The following MYOM2 variants were observed in gnomAD, a reference collection of about 807,000 sequenced individuals.
MYOM2 encodes myomesin 2.
MYOM2 carries 254 observed loss-of-function variants against 187.6 expected under a neutral mutation model. The ratio of observed to expected loss-of-function variants is 1.35; its 90% CI spans 1.22 to 1.50. The LOEUF (loss-of-function observed/expected upper bound fraction) is 1.50. Ranked by LOEUF, MYOM2 falls within the 40% of genes most tolerant of loss-of-function variation. The pLI, the probability that MYOM2 is intolerant of heterozygous loss-of-function variation, is 0.00. For missense variants in MYOM2, 2,796 were observed against 1,924.0 expected (o/e 1.45, Z -8.48); for synonymous variants, 981 against 753.8 (o/e 1.30, Z -4.94).
rs1796017327 is a variant in MYOM2, at chr8:2,086,047, CCCACAGTCGTGATCTCTTTGTGGCCCCCT to C, written c.1644+658_1644+686del. Among the ~76,000 whole-genome samples, 2 of 4,318 alleles carry C rather than the reference CCCACAGTCGTGATCTCTTTGTGGCCCCCT, an allele frequency of 4.6e-4. 1 individual carries two copies. Among genetic ancestry groups the C allele is most frequent in the Admixed American group, 4.0e-3 (2 of 504 alleles). The allele number at this position is 4,318 out of a possible 152,430, so 2.8% of individuals were successfully genotyped here. On this transcript the variant is annotated intron_variant, in intron 14 of 36. Coordinates refer to ENST00000262113, the MANE Select transcript of MYOM2 (RefSeq NM_003970.4). ...CACTGTCGTGATCTCTGCGTGGCCC[CCCACAGTCGTGATCTCTTTGTGGCCCCCT>C]ACTGTCGTGATCTCTGCGTGGCCCC... is the stretch of plus-strand genomic sequence containing the variant.
chr8:2,066,690 C>G (rs1027439262), intron 6 of MYOM2, among the ~76,000 whole-genome samples: 20 of 152,180 alleles, frequency 1.3e-4, no homozygotes, highest in African/African-American at 4.8e-4. Flanking sequence ...ACAATGCGCT[C>G]CCTGTGGGGA....
chr8:2,045,881 A>G (rs933559240), intron 1 of MYOM2, among the ~76,000 whole-genome samples: 2 of 152,208 alleles, frequency 1.3e-5, no homozygotes, highest in African/African-American at 4.8e-5. Flanking sequence ...CCGGAGGCAA[A>G]CGGAAGGAAG....
At chr8:2,142,784 C>G (rs1374842854) in intron 35 of MYOM2, among the ~76,000 whole-genome samples, 10 of 139,378 alleles carry the variant, frequency 7.2e-5, no homozygotes, top group African/African-American at 2.6e-4. Flanking sequence ...TTGACAGAGT[C>G]TTGCTCTGTC....
chr8:2,103,640 G>A (rs112880043), intron 21 of MYOM2, among the ~76,000 whole-genome samples: 133 of 150,672 alleles, frequency 8.8e-4, no homozygotes, highest in African/African-American at 3.0e-3. Context: ...GTGGGAGAGC[G>A]TGCATGTATT....
Position 2,090,169 on chromosome 8 carries a change from C to A in MYOM2, c.1806C>A (p.Pro602=). The change falls in exon 15 of 37, where the codon CCC becomes CCA. Residue 602 remains proline (P), a synonymous_variant. Transcript: ENST00000262113. Reference sequence around the variant, plus strand: ...GCGAACCTTCGGAGATAACGTCCCCCATTCAGGCCCAGGATGTGACCGGTG... The same window carrying A: ...GCGAACCTTCGGAGATAACGTCCCCAATTCAGGCCCAGGATGTGACCGGTG... ...GLSEPSEITS[P]IQAQDVTVVP... 6.2e-7 allele frequency: 1 copy of A among 1,613,880 alleles called. No homozygotes were observed. Among genetic ancestry groups the A allele is most frequent in the Non-Finnish European group, 8.5e-7 (1 of 1,179,866 alleles).
At chr8:2,080,430 G>A (rs1819581494) in intron 13 of MYOM2, among the ~76,000 whole-genome samples, 1 of 151,950 alleles carries the variant, frequency 6.6e-6, no homozygotes. Flanking sequence ...TTTTCTCTAG[G>A]ATCTCAAAAC....
intron 14 of MYOM2, among the ~76,000 whole-genome samples, chr8:2,089,186 G>A (rs954496124): frequency 8.2e-6 from 1 of 121,310 alleles, no homozygotes; most frequent in African/African-American, 2.6e-5. Flanking sequence ...TTCGAAAAAG[G>A]CGTTTTATCT....
intron 16 of MYOM2, 69 bp downstream of exon 16, chr8:2,092,589 C>G (rs1040628012): frequency 2.0e-6 from 3 of 1,511,570 alleles, no homozygotes; most frequent in Non-Finnish European, 2.7e-6. Context: ...GTCCCTGTGG[C>G]CCTGGCACAG....
In MYOM2 at chr8:2,092,471, G is replaced by A. The variant is rs767972373; in HGVS notation, c.1954G>A (p.Gly652Arg). The change falls in exon 16 of 37, where the codon GGA becomes AGA. Residue 652 changes from glycine to arginine, a missense_variant. By Grantham distance (125) the Gly-to-Arg change is moderately radical. Coordinates refer to ENST00000262113, the MANE Select transcript of MYOM2 (RefSeq NM_003970.4). Reference protein sequence around the residue: ...LGYYVDCCVAGTNLWEPCNHK... With the variant: ...LGYYVDCCVARTNLWEPCNHK... ...CTACTACGTGGACTGCTGTGTGGCC[G>A]GAACCAACCTCTGGGAGCCCTGCAA... 2.2e-5 allele frequency: 36 copies of A among 1,613,964 alleles called. 1 individual carries two copies. The highest frequency in any genetic ancestry group is 1.6e-4 in the Middle Eastern group (1 of 6,082).
intron 32 of MYOM2, among the ~76,000 whole-genome samples, chr8:2,132,360 G>A (rs1479195765): frequency 1.3e-5 from 2 of 152,194 alleles, no homozygotes; most frequent in African/African-American, 4.8e-5. Flanking sequence ...AGAGGCTATA[G>A]AACATGTCAC....
chr8:2,066,225 G>A (rs905080278), intron 6 of MYOM2, among the ~76,000 whole-genome samples: 5 of 152,208 alleles, frequency 3.3e-5, no homozygotes, highest in Admixed American at 6.5e-5. Context: ...GGAACTGCCC[G>A]TGCACCTGCT....
chr8:2,076,584 G>T, intron 11 of MYOM2: 1 of 337,858 alleles, frequency 3.0e-6, no homozygotes, highest in Non-Finnish European at 5.4e-6. Context: ...CCCGCGCTGT[G>T]GTTCTGCTGA....
rs1203639214 is a variant in MYOM2, at chr8:2,057,752, C to G, written c.532C>G (p.Gln178Glu). Reference protein sequence around the residue: ...RMSVKLCFTVQGFPTPVVQWY... With the variant: ...RMSVKLCFTVEGFPTPVVQWY... ...GTCTGTGAAACTCTGCTTCACCGTG[C>G]AAGGATTTCCCACGCCCGTGGTGCA... The change falls in exon 5 of 37, where the codon CAA becomes GAA. Residue 178 changes from glutamine (Q) to glutamate (E), a missense_variant. Transcript: ENST00000262113. 2 of 1,613,994 alleles carry G rather than the reference C, an allele frequency of 1.2e-6. No homozygotes were observed. Among genetic ancestry groups the G allele is most frequent in the African/African-American group, 1.3e-5 (1 of 74,904 alleles).
chr8:2,122,493 T>G (rs190919982), intron 28 of MYOM2, among the ~76,000 whole-genome samples: 82 of 152,360 alleles, frequency 5.4e-4, no homozygotes, highest in Middle Eastern at 6.8e-3. Flanking sequence ...TAAGCTGTGT[T>G]GCACTGTTAC....
intron 8 of MYOM2, 133 bp from the exon 9 acceptor site, chr8:2,072,212 C>T (rs369697372): frequency 4.9e-5 from 22 of 452,538 alleles, no homozygotes; most frequent in African/African-American, 3.6e-4. Flanking sequence ...ACCTGGACAA[C>T]AGAGCGAGAC....
At position 2,050,936 on chromosome 8, in the gene MYOM2, G is replaced by C. The variant is rs184514619; in HGVS notation, c.107+63G>C. 9.6e-4 allele frequency: 1,281 copies of C among 1,328,086 alleles called. 7 individuals are homozygous for C. The African/African-American group carries it at 0.016, about 16-fold the overall frequency. 82.3% of individuals were successfully genotyped at this position (1,328,086 alleles called of 1,614,324 possible). A position where few individuals can be genotyped will look rare whatever the true frequency, so the allele number is the denominator to read the frequency against. ...GATTATGGGGGTCTGACATTTAAAG[G>C]CTTTTCCAGTTCCGTCAGCCCTGGA... is the stretch of plus-strand genomic sequence containing the variant. On this transcript the variant is annotated intron_variant, in intron 2 of 36. Coordinates refer to ENST00000262113, the MANE Select transcript of MYOM2 (RefSeq NM_003970.4).
At chr8:2,047,688 G>A (rs1031972797) in intron 1 of MYOM2, among the ~76,000 whole-genome samples, 2 of 152,148 alleles carry the variant, frequency 1.3e-5, no homozygotes, top group Non-Finnish European at 2.9e-5. Context: ...AATACATGTG[G>A]GGATAAACGT....
At chr8:2,120,909 T>A (rs1797431777) in intron 28 of MYOM2, among the ~76,000 whole-genome samples, 1 of 151,090 alleles carries the variant, frequency 6.6e-6, no homozygotes, top group Non-Finnish European at 1.5e-5. Flanking sequence ...ATACTTAGAT[T>A]TATTTTTGGT....
At chr8:2,064,447 C>T (rs533112386) in intron 6 of MYOM2, among the ~76,000 whole-genome samples, 79 of 152,326 alleles carry the variant, frequency 5.2e-4, no homozygotes, top group Middle Eastern at 3.4e-3. Flanking sequence ...GGGCCACCGC[C>T]GTCGTCAGTG....
Sources: gnomAD v4.1 joint callset for allele counts (sites outside exome capture counted in the v4.1 genomes callset) on GRCh38, gnomAD v4.1.1 for gene constraint, MANE v1.5 for transcripts, NCBI Gene and HGNC (gene_info 2026-07-23, HGNC 2026-07-21) for gene names.